Variants in GNAQ observed in about 807,000 individuals in gnomAD.
GNAQ encodes the protein G protein subunit alpha q.
In GNAQ, 8 loss-of-function variants were observed where a neutral mutation model predicts 43.9. The observed-to-expected ratio is 0.18, with a 90% CI of 0.11 to 0.33. The LOEUF (loss-of-function observed/expected upper bound fraction) is 0.33. Among genes scored for constraint, GNAQ ranks in the 10% least tolerant of loss-of-function variants. The probability of loss-of-function intolerance (pLI) is 1.00; values close to 1 mark genes in which losing one functional copy is unlikely to be tolerated. For synonymous variants in GNAQ, 155 were observed against 170.7 expected (o/e 0.91, Z 0.71); for missense variants, 158 against 450.8 (o/e 0.35, Z 5.88).
intron 3 of GNAQ, among the ~76,000 whole-genome samples, chr9:77,807,801 G>A (rs972902565): frequency 2.0e-5 from 3 of 152,164 alleles, no homozygotes; most frequent in African/African-American, 7.2e-5. Flanking sequence ...TTGTGTGTGT[G>A]TGAGAATGAA....
At chr9:78,019,863 G>A (rs913548861) in intron 1 of GNAQ, among the ~76,000 whole-genome samples, 1 of 147,016 alleles carries the variant, frequency 6.8e-6, no homozygotes, top group African/African-American at 2.5e-5. Flanking sequence ...GGCAGAGGGT[G>A]CAGTGAGCTG....
chr9:77,773,360 T>C (rs1313629551), intron 5 of GNAQ, among the ~76,000 whole-genome samples: 1 of 152,228 alleles, frequency 6.6e-6, no homozygotes, highest in African/African-American at 2.4e-5. Flanking sequence ...TAACAGTACC[T>C]TAAAATTGAT....
intron 5 of GNAQ, among the ~76,000 whole-genome samples, chr9:77,762,821 A>ACT (rs1170761549): frequency 6.6e-6 from 1 of 152,130 alleles, no homozygotes; most frequent in East Asian, 1.9e-4. Context: ...GCTCTCTGAA[A>ACT]CATGTGCTGT....
intron 1 of GNAQ, among the ~76,000 whole-genome samples, chr9:78,029,698 A>G (rs1342520829): frequency 6.6e-6 from 1 of 152,232 alleles, no homozygotes; most frequent in African/African-American, 2.4e-5. Flanking sequence ...TAAATGATCC[A>G]GTACATAAGC....
chr9:77,788,694 A>G (rs1033934408), intron 5 of GNAQ, among the ~76,000 whole-genome samples: 3 of 152,214 alleles, frequency 2.0e-5, no homozygotes, highest in African/African-American at 7.2e-5. Flanking sequence ...TCTCTCACTC[A>G]AACAGTTTAT....
chr9:77,934,654 C>T (rs1224206241), intron 1 of GNAQ, among the ~76,000 whole-genome samples: 2 of 152,106 alleles, frequency 1.3e-5, no homozygotes, highest in African/African-American at 4.8e-5. Flanking sequence ...ATTGAGAATA[C>T]TAAGAAGGAC....
At chr9:77,968,145 A>G (rs1305760517) in intron 1 of GNAQ, among the ~76,000 whole-genome samples, 1 of 152,238 alleles carries the variant, frequency 6.6e-6, no homozygotes, top group Non-Finnish European at 1.5e-5. Flanking sequence ...TGATAAGTAT[A>G]CTTAAAAAAA....
intron 2 of GNAQ, among the ~76,000 whole-genome samples, chr9:77,891,016 T>G (rs1828397231): frequency 6.6e-6 from 1 of 151,992 alleles, no homozygotes; most frequent in Non-Finnish European, 1.5e-5. Context: ...AGCAAGAGAG[T>G]GTTTTAAATT....
At chr9:77,850,721 C>G (rs1370279093) in intron 2 of GNAQ, among the ~76,000 whole-genome samples, 1 of 152,320 alleles carries the variant, frequency 6.6e-6, no homozygotes, top group African/African-American at 2.4e-5. Flanking sequence ...ATCCAGATGT[C>G]CACACTTTCT....
chr9:77,722,653 C>CTT (rs36194112), intron 6 of GNAQ, among the ~76,000 whole-genome samples: 4 of 115,770 alleles, frequency 3.5e-5, no homozygotes, highest in Admixed American at 8.8e-5. Flanking sequence ...TATCTAAGGA[C>CTT]TTTTTTTTTT....
At chr9:77,921,440 G>A (rs1301941825) in intron 2 of GNAQ, among the ~76,000 whole-genome samples, 1 of 152,354 alleles carries the variant, frequency 6.6e-6, no homozygotes, top group African/African-American at 2.4e-5. Flanking sequence ...ATATTTAGAG[G>A]ATGAGCAATC....
chr9:77,872,751 G>T (rs570627805), intron 2 of GNAQ, among the ~76,000 whole-genome samples: 2 of 152,230 alleles, frequency 1.3e-5, no homozygotes, highest in East Asian at 3.9e-4. Context: ...TCTGACTCCT[G>T]TTTCTGTATT....
At chr9:78,004,952 G>C (rs549685808) in intron 1 of GNAQ, among the ~76,000 whole-genome samples, 5 of 152,092 alleles carry the variant, frequency 3.3e-5, no homozygotes, top group Non-Finnish European at 4.4e-5. Context: ...GCTAGAAGAG[G>C]GGGTGGGATC....
chr9:77,806,376 A>C (rs1826829856), intron 3 of GNAQ, among the ~76,000 whole-genome samples: 4 of 152,254 alleles, frequency 2.6e-5, no homozygotes, highest in Admixed American at 2.6e-4. Context: ...GGAATCTGTT[A>C]TACATTAATT....
At position 77,969,211 on chromosome 9, in the gene GNAQ, C is replaced by A. The variant is rs549314634; in HGVS notation, c.137-46866G>T. ...TTCAACACCCCAATTCTCCCTCTGG[C>A]CTTTCCACCTGGCAGGTGGTAAATA... On this transcript the variant is annotated intron_variant, in intron 1 of 6. Transcript: ENST00000286548. Among the ~76,000 whole-genome samples, 36 of 152,316 alleles carry A rather than the reference C, an allele frequency of 2.4e-4. 1 individual carries two copies. In the South Asian group the frequency reaches 7.3e-3, roughly 31 times the overall value.
intron 1 of GNAQ, among the ~76,000 whole-genome samples, chr9:77,965,928 A>G (rs1823161591): frequency 6.6e-6 from 1 of 152,206 alleles, no homozygotes. Context: ...CACTGGAAAC[A>G]ATCCAAGTCT....
intron 5 of GNAQ, among the ~76,000 whole-genome samples, chr9:77,748,803 GT>G (rs1312509259): frequency 1.3e-5 from 2 of 152,190 alleles, no homozygotes; most frequent in African/African-American, 2.4e-5. Flanking sequence ...AATGACAAGT[GT>G]TTAATAATTG....
At chr9:77,786,509 C>T (rs894378899) in intron 5 of GNAQ, among the ~76,000 whole-genome samples, 17 of 152,076 alleles carry the variant, frequency 1.1e-4, no homozygotes, top group East Asian at 3.9e-4. Context: ...AATTTTCCCA[C>T]GGAGATATTT....
chr9:77,765,839 A>G (rs1041976651), intron 5 of GNAQ, among the ~76,000 whole-genome samples: 2 of 152,266 alleles, frequency 1.3e-5, no homozygotes, highest in African/African-American at 4.8e-5. Flanking sequence ...CCAAGTGTCC[A>G]TTGGTGGATG....
Sources: allele counts gnomAD v4.1 joint callset (sites outside exome capture counted in the v4.1 genomes callset), GRCh38; gene constraint gnomAD v4.1.1; transcripts MANE v1.5; gene names NCBI Gene and HGNC (gene_info 2026-07-23, HGNC 2026-07-21).